The following KLC3 variants were observed in gnomAD, a reference collection of about 807,000 sequenced individuals.
KLC3 encodes kinesin light chain 2.
In KLC3, 72 loss-of-function variants were observed where a neutral mutation model predicts 62.9. The ratio of observed to expected loss-of-function variants is 1.15; its 90% CI spans 0.95 to 1.39. The LOEUF (loss-of-function observed/expected upper bound fraction) is 1.39. KLC3 is among the 40% of genes most tolerant of loss of function. The pLI, the probability that KLC3 is intolerant of heterozygous loss-of-function variation, is 0.00. For missense variants in KLC3, 848 were observed against 691.6 expected (o/e 1.23, Z -2.54); for synonymous variants, 377 against 300.5 (o/e 1.25, Z -2.63).
intron 2 of KLC3, among the ~76,000 whole-genome samples, chr19:45,346,201 G>C (rs1971486932): frequency 6.6e-6 from 1 of 152,060 alleles, no homozygotes; most frequent in African/African-American, 2.4e-5. Flanking sequence ...GCACATCCGG[G>C]GCAGGGGGAG....
chr19:45,349,509 G>A lies in KLC3; in HGVS notation c.1050G>A (p.Glu350=), dbSNP rs1408291144. 5.6e-6 allele frequency: 9 copies of A among 1,613,642 alleles called. No individual in the cohort carries two copies. The highest frequency in any genetic ancestry group is 5.0e-5 in the Admixed American group (3 of 59,918). ...ALLCQNQGKF[E]DVERHYARAL... is the part of the protein sequence containing the mutation. ...TGTGCCAGAACCAGGGCAAGTTTGA[G>A]GACGTGGAGCGGCACTATGCCCGGG... The change falls in exon 8 of 13, where the codon GAG becomes GAA. Residue 350 remains glutamate (E), a synonymous_variant. Coordinates refer to ENST00000391946, the MANE Select transcript of KLC3 (RefSeq NM_177417.3).
chr19:45,350,872 C>T, intron 11 of KLC3, 82 bp from the exon 12 acceptor site: 1 of 1,398,464 alleles, frequency 7.2e-7, no homozygotes, highest in Non-Finnish European at 9.8e-7. Context: ...ACACACAGAT[C>T]AAACCCTGTG....
intron 1 of KLC3, among the ~76,000 whole-genome samples, chr19:45,341,120 A>G (rs1971384134): frequency 6.6e-6 from 1 of 150,950 alleles, no homozygotes; most frequent in Admixed American, 6.6e-5. Flanking sequence ...GGGGCTGGGC[A>G]GGCCAGGGTA....
chr19:45,348,921 G>T lies in KLC3; in HGVS notation c.969G>T (p.Lys323Asn), dbSNP rs201714772. 38 of 1,574,604 alleles carry T rather than the reference G, an allele frequency of 2.4e-5. No homozygotes were observed. Among genetic ancestry groups the T allele is most frequent in the Non-Finnish European group, 3.4e-6 (4 of 1,159,884 alleles). ...LCQRALEIRE[K>N]VLGADHPDVA... ...AGCGCGCTTTGGAGATCCGAGAGAA[G>T]GTCCCATCCCCCTCACCCCACCCCG... The change falls in exon 7 of 13, where the codon AAG (lysine) becomes AAT (asparagine). Residue 323 changes from lysine to asparagine, a missense_variant and splice_region_variant. By Grantham distance (94) the Lys-to-Asn change is moderately conservative. Transcript: ENST00000391946.
Position 45,348,660 on chromosome 19 carries a change from A to T in KLC3, c.794A>T (p.Tyr265Phe). The T allele has an allele frequency of 1.3e-6, 2 of 1,586,054 alleles. No homozygotes were observed. The highest frequency in any genetic ancestry group is 1.7e-6 in the Non-Finnish European group (2 of 1,166,520). The change falls in exon 6 of 13, where the codon TAC becomes TTC. Residue 265 changes from tyrosine to phenylalanine, a missense_variant. By Grantham distance (22) the Tyr-to-Phe change is conservative (BLOSUM62 3). Coordinates refer to ENST00000391946, the MANE Select transcript of KLC3 (RefSeq NM_177417.3). ...LALVYRDQNK[Y>F]KEATDLLHDA... is the part of the protein sequence containing the mutation. ...GCCCCCCACAGGGACCAGAACAAGTACAAAGAAGCCACAGACCTTCTCCAT... is the reference window on the plus strand; with the variant it reads ...GCCCCCCACAGGGACCAGAACAAGTTCAAAGAAGCCACAGACCTTCTCCAT...
chr19:45,346,801 G>T (rs780353517), intron 3 of KLC3, 27 bp downstream of exon 3: 514 of 1,502,920 alleles, frequency 3.4e-4, no homozygotes, highest in Non-Finnish European at 4.1e-4. Flanking sequence ...GAGGCGGGGG[G>T]TGCTGGGCCC....
intron 1 of KLC3, among the ~76,000 whole-genome samples, chr19:45,341,554 G>GT (rs1555772478): frequency 3.5e-5 from 5 of 144,014 alleles, no homozygotes; most frequent in South Asian, 2.3e-4. Flanking sequence ...TCTGCCTGTT[G>GT]GTGTGTGTGT....
intron 1 of KLC3, among the ~76,000 whole-genome samples, chr19:45,341,075 G>C (rs1315594424): frequency 1.1e-4 from 16 of 152,002 alleles, no homozygotes. Flanking sequence ...GGGAGAGGGA[G>C]GGGGCCCTTG....
intron 5 of KLC3, among the ~76,000 whole-genome samples, 190 bp downstream of exon 5, chr19:45,348,350 C>T (rs1599710622): frequency 6.6e-6 from 1 of 151,840 alleles, no homozygotes; most frequent in African/African-American, 2.4e-5. Flanking sequence ...GGACAGGGAT[C>T]TGGGGGGGCC....
intron 6 of KLC3, 38 bp from the exon 7 acceptor site, chr19:45,348,782 C>G (rs904524526): frequency 1.3e-6 from 2 of 1,561,872 alleles, no homozygotes; most frequent in Admixed American, 1.9e-5. Context: ...GGGGCCACAC[C>G]TGCCCATCCC....
chr19:45,345,516 C>G lies in KLC3; in HGVS notation c.-8-18C>G, dbSNP rs1363819284. ...GCCCGGGCAATGATTCCCCAAACCC[C>G]TCACCATTGCTCCCCAGGAGCAGCA... is the stretch of plus-strand genomic sequence containing the variant. On this transcript the variant is annotated intron_variant, in intron 1 of 12. Transcript: ENST00000391946. The G allele has an allele frequency of 1.3e-6, 2 of 1,556,436 alleles. No individual in the cohort carries two copies. Among genetic ancestry groups the G allele is most frequent in the South Asian group, 1.2e-5 (1 of 84,364 alleles).
Position 45,350,384 on chromosome 19 carries a change from A to C in KLC3, c.1187A>C (p.Glu396Ala). The C allele has an allele frequency of 6.2e-7, 1 of 1,613,536 alleles. No homozygotes were observed. Among genetic ancestry groups the C allele is most frequent in the South Asian group, 1.1e-5 (1 of 91,050 alleles). The change falls in exon 9 of 13, where the codon GAG becomes GCG. Residue 396 changes from glutamate (E) to alanine (A), a missense_variant. By Grantham distance (107) the Glu-to-Ala change is moderately radical (BLOSUM62 -1). Coordinates refer to ENST00000391946, the MANE Select transcript of KLC3 (RefSeq NM_177417.3). ...CAGAACAAGTATCAACAAGCGGAAGAGCTGTACAAAGAAATCCTCCACAAG... is the reference window on the plus strand; with the variant it reads ...CAGAACAAGTATCAACAAGCGGAAGCGCTGTACAAAGAAATCCTCCACAAG... The part of the protein sequence containing the change: ...LKQNKYQQAE[E>A]LYKEILHKED...
At chr19:45,340,985 C>T (rs1363574038) in intron 1 of KLC3, 139 bp downstream of exon 1, 1 of 152,334 alleles carries the variant, frequency 6.6e-6, no homozygotes, top group African/African-American at 2.4e-5. Flanking sequence ...TGGGGCTCTC[C>T]GGGATCTGGA....
At chr19:45,347,064 T>G (rs1212772085) in intron 3 of KLC3, 1 of 449,212 alleles carries the variant, frequency 2.2e-6, no homozygotes, top group Non-Finnish European at 4.0e-6. Context: ...TGAGATAGGC[T>G]GGGTGCGGTG....
At chr19:45,341,784 T>C (rs1274285154) in intron 1 of KLC3, among the ~76,000 whole-genome samples, 3 of 136,690 alleles carry the variant, frequency 2.2e-5, no homozygotes, top group Admixed American at 2.1e-4. Flanking sequence ...TGCGTGTGTG[T>C]GTGTGTGTGT....
At chr19:45,350,259 CAAAAA>C (rs61513187) in intron 8 of KLC3, 77 bp from the exon 9 acceptor site, 23 of 874,210 alleles carry the variant, frequency 2.6e-5, no homozygotes, top group African/African-American at 3.7e-5. Flanking sequence ...CCTGTCTCTA[CAAAAA>C]AAAAAAAAAA....
intron 3 of KLC3, 81 bp from the exon 4 acceptor site, chr19:45,347,366 A>C: frequency 9.2e-7 from 1 of 1,088,848 alleles, no homozygotes; most frequent in Non-Finnish European, 1.4e-6. Flanking sequence ...ACAAAAAAAC[A>C]AAAACCTGAG....
intron 2 of KLC3, among the ~76,000 whole-genome samples, chr19:45,346,261 G>A (rs1333524860): frequency 1.3e-5 from 2 of 152,108 alleles, no homozygotes; most frequent in African/African-American, 2.4e-5. Flanking sequence ...CAGAGATGGA[G>A]TCCCTTGGCA....
intron 12 of KLC3, 100 bp downstream of exon 12, chr19:45,351,117 T>G (rs1599719768): frequency 1.9e-5 from 30 of 1,605,652 alleles, no homozygotes; most frequent in Non-Finnish European, 2.5e-5. Context: ...AGTCAGCAGG[T>G]GGTGGGTTGG....
Sources: allele counts gnomAD v4.1 joint callset (sites outside exome capture counted in the v4.1 genomes callset), GRCh38; gene constraint gnomAD v4.1.1; transcripts MANE v1.5; gene names NCBI Gene and HGNC (gene_info 2026-07-23, HGNC 2026-07-21).